The following CTPS2 variants were observed in gnomAD, a reference collection of about 807,000 sequenced individuals.
CTPS2 encodes CTP synthase 2.
A neutral mutation model predicts 46.8 loss-of-function variants in CTPS2; 19 were observed. The ratio of observed to expected loss-of-function variants is 0.41; its 90% CI spans 0.28 to 0.60. CTPS2 has a LOEUF of 0.60. Among genes scored for constraint, CTPS2 ranks in the 20% least tolerant of loss-of-function variants. CTPS2 has a pLI of 0.35. For synonymous variants in CTPS2, 151 were observed against 165.2 expected (o/e 0.91, Z 0.66); for missense variants, 286 against 447.6 (o/e 0.64, Z 3.26).
At chrX:16,626,314 G>A (rs1931147262) in intron 14 of CTPS2, among the ~76,000 whole-genome samples, 1 of 111,259 alleles carries the variant, frequency 9.0e-6, no homozygotes. Flanking sequence ...CCTGGAGGCA[G>A]AGGTTGCACT....
chrX:16,621,324 G>A lies in CTPS2; in HGVS notation c.1394-992C>T, dbSNP rs781046196. Among the ~76,000 whole-genome samples, 3 of 105,723 alleles carry A rather than the reference G, an allele frequency of 2.8e-5. No individual in the cohort carries two copies. The South Asian group carries it at 1.4e-3, about 48-fold the overall frequency. The allele number at this position is 105,723 out of a possible 115,157, so 91.8% of individuals were successfully genotyped here. A position where few individuals can be genotyped will look rare whatever the true frequency, so the allele number is the denominator to read the frequency against. On this transcript the variant is annotated intron_variant, in intron 14 of 18. Coordinates refer to ENST00000359276, the MANE Select transcript of CTPS2 (RefSeq NM_175859.3). ...GTCGGGGGGTAGGGGGTTGGGGGAGGGATAGCATTAGGAGAATACCTAATG... is the reference window on the plus strand; with the variant it reads ...GTCGGGGGGTAGGGGGTTGGGGGAGAGATAGCATTAGGAGAATACCTAATG...
At chrX:16,672,755 G>T (rs2147310464) in intron 10 of CTPS2, among the ~76,000 whole-genome samples, 1 of 110,756 alleles carries the variant, frequency 9.0e-6, no homozygotes, top group East Asian at 2.8e-4. Flanking sequence ...AAAAGGGTAA[G>T]AATTTCTTAC....
intron 13 of CTPS2, among the ~76,000 whole-genome samples, chrX:16,641,227 C>T (rs943699445): frequency 2.7e-5 from 3 of 112,004 alleles, no homozygotes; most frequent in Non-Finnish European, 5.6e-5. Context: ...CCTCAACTTC[C>T]ATTTAAGTTT....
chrX:16,634,957 G>GAA (rs869060952), intron 14 of CTPS2, among the ~76,000 whole-genome samples: 2 of 65,584 alleles, frequency 3.0e-5, no homozygotes, highest in African/African-American at 6.2e-5. Context: ...CTCAAAAAGA[G>GAA]AAAAAAAAAA....
At chrX:16,609,834 T>C (rs1325791902) in intron 16 of CTPS2, 149 bp from the exon 17 acceptor site, 6 of 573,521 alleles carry the variant, frequency 1.0e-5, no homozygotes, top group Non-Finnish European at 1.5e-5. Flanking sequence ...TCACTATCCA[T>C]CCATTCCTTC....
At chrX:16,617,272 A>G (rs750403671) in intron 15 of CTPS2, 26 bp from the exon 16 acceptor site, 15 of 1,114,311 alleles carry the variant, frequency 1.3e-5, no homozygotes, top group Non-Finnish European at 1.8e-5. Context: ...TTAAGTGTTT[A>G]TGGGCCACAG....
intron 13 of CTPS2, among the ~76,000 whole-genome samples, chrX:16,642,275 T>G (rs866166267): frequency 7.1e-5 from 8 of 111,912 alleles, no homozygotes; most frequent in African/African-American, 2.6e-4. Flanking sequence ...ACTGTGATCC[T>G]CTGATTAAAA....
intron 17 of CTPS2, among the ~76,000 whole-genome samples, chrX:16,604,642 C>CAAA (rs1391412669): frequency 1.8e-5 from 1 of 56,741 alleles, no homozygotes; most frequent in African/African-American, 6.1e-5. Flanking sequence ...GCCTGAGAAA[C>CAAA]AAAAAAAAAA....
chrX:16,651,475 G>C (rs1223361187), intron 13 of CTPS2, among the ~76,000 whole-genome samples: 1 of 111,841 alleles, frequency 8.9e-6, no homozygotes, highest in Non-Finnish European at 1.9e-5. Flanking sequence ...TCTGTGCCAG[G>C]CTTTAGGAAA....
At chrX:16,661,664 C>G (rs1488920770) in intron 13 of CTPS2, among the ~76,000 whole-genome samples, 1 of 111,537 alleles carries the variant, frequency 9.0e-6, no homozygotes, top group Non-Finnish European at 1.9e-5. Context: ...TTCACTTAAC[C>G]CTGAAAATTC....
chrX:16,643,265 T>C (rs1017109673), intron 13 of CTPS2, among the ~76,000 whole-genome samples: 3 of 112,280 alleles, frequency 2.7e-5, no homozygotes, highest in Admixed American at 9.4e-5. Flanking sequence ...TTTCCTTTTG[T>C]TCCTCATCGT....
intron 14 of CTPS2, among the ~76,000 whole-genome samples, chrX:16,627,421 C>T (rs1336010340): frequency 8.9e-6 from 1 of 112,186 alleles, no homozygotes; most frequent in Non-Finnish European, 1.9e-5. Context: ...AACATTTAAA[C>T]GTCAGGAGAT....
intron 4 of CTPS2, among the ~76,000 whole-genome samples, chrX:16,694,754 C>T (rs755636727): frequency 8.0e-5 from 9 of 112,645 alleles, no homozygotes; most frequent in Non-Finnish European, 1.7e-4. Flanking sequence ...AATCCCAACA[C>T]TTTGGGAGGC....
intron 1 of CTPS2, among the ~76,000 whole-genome samples, chrX:16,709,493 T>C (rs889184152): frequency 9.1e-6 from 1 of 110,213 alleles, no homozygotes; most frequent in Non-Finnish European, 1.9e-5. Context: ...GACTATAAAA[T>C]TGAATATATT....
intron 13 of CTPS2, among the ~76,000 whole-genome samples, chrX:16,648,301 G>T (rs928346955): frequency 3.6e-5 from 4 of 111,393 alleles, no homozygotes; most frequent in East Asian, 2.8e-4. Context: ...AGGTGCTCAG[G>T]GGGGAAGCAT....
chrX:16,650,930 G>C (rs1932590157), intron 13 of CTPS2: 2 of 965,398 alleles, frequency 2.1e-6, no homozygotes, highest in South Asian at 4.6e-5. Context: ...CTAAAATCCT[G>C]CAGACAACCC....
chrX:16,657,360 G>T (rs1225518659), intron 13 of CTPS2, among the ~76,000 whole-genome samples: 1 of 109,984 alleles, frequency 9.1e-6, no homozygotes, highest in African/African-American at 3.3e-5. Flanking sequence ...GCAGGGCCAG[G>T]CTTCTCTCTG....
intron 17 of CTPS2, among the ~76,000 whole-genome samples, chrX:16,609,210 T>C (rs1051755682): frequency 3.6e-5 from 4 of 110,833 alleles, no homozygotes; most frequent in Non-Finnish European, 7.6e-5. Context: ...AGAAAAGATA[T>C]GAACAAACTA....
chrX:16,634,864 G>C (rs765728580), intron 14 of CTPS2, among the ~76,000 whole-genome samples: 4 of 109,364 alleles, frequency 3.7e-5, no homozygotes, highest in African/African-American at 1.3e-4. Flanking sequence ...CAGGAGAATC[G>C]GTTGAACCTG....
Sources: gnomAD v4.1 joint callset for allele counts (sites outside exome capture counted in the v4.1 genomes callset) on GRCh38, gnomAD v4.1.1 for gene constraint, MANE v1.5 for transcripts, NCBI Gene and HGNC (gene_info 2026-07-23, HGNC 2026-07-21) for gene names.